Variants in RSF1 observed in about 807,000 individuals in gnomAD.
RSF1 encodes the protein HBV pX-associated protein 8.
Under a neutral mutation model 145.2 loss-of-function variants are expected in RSF1, and 13 were observed. The ratio of observed to expected loss-of-function variants is 0.09; its 90% CI spans 0.06 to 0.14. The LOEUF is 0.14. RSF1 is among the 10% of genes least tolerant of loss of function. The pLI, the probability that RSF1 is intolerant of heterozygous loss-of-function variation, is 1.00. For synonymous variants in RSF1, 577 were observed against 592.6 expected, an observed-to-expected ratio of 0.97 and a Z score of 0.38; for missense variants, 1,517 against 1,718.2, an observed-to-expected ratio of 0.88 and a Z score of 2.07.
At chr11:77,820,456 G>A (rs1948855263) in intron 1 of RSF1, 72 bp downstream of exon 1, 1 of 1,452,598 alleles carries the variant, frequency 6.9e-7, no homozygotes, top group South Asian at 1.3e-5. Flanking sequence ...AAGAACCGGG[G>A]CGCCTGTGAA....
chr11:77,706,240 CAAAA>C (rs1286243034), intron 5 of RSF1, among the ~76,000 whole-genome samples: 1 of 61,048 alleles, frequency 1.6e-5, no homozygotes, highest in Non-Finnish European at 3.4e-5. Context: ...ACTCTGTCTC[CAAAA>C]AAAAAAAAAA....
intron 1 of RSF1, among the ~76,000 whole-genome samples, chr11:77,775,832 G>A (rs1170763646): frequency 6.6e-6 from 1 of 152,140 alleles, no homozygotes; most frequent in East Asian, 1.9e-4. Flanking sequence ...GCAGTGGCAC[G>A]ATCGGGGCTC....
At chr11:77,818,969 A>G (rs1303111818) in intron 1 of RSF1, among the ~76,000 whole-genome samples, 2 of 152,164 alleles carry the variant, frequency 1.3e-5, no homozygotes, top group African/African-American at 4.8e-5. Flanking sequence ...AGGTAGAGGG[A>G]ATGTGGACAG....
intron 2 of RSF1, chr11:77,763,708 G>C (rs1298206120): frequency 6.6e-6 from 1 of 152,158 alleles, no homozygotes; most frequent in Non-Finnish European, 1.5e-5. Context: ...AAGGACTCAA[G>C]GAGACAGTAC....
chr11:77,865,158 C>T, the RSF1 span, among the ~76,000 whole-genome samples: 2 of 152,308 alleles, frequency 1.3e-5, no homozygotes, highest in South Asian at 2.1e-4. Flanking sequence ...TTCTACTGCA[C>T]ATGATTTGCC....
intron 5 of RSF1, among the ~76,000 whole-genome samples, chr11:77,724,095 C>A (rs1960996747): frequency 1.3e-5 from 2 of 152,018 alleles, no homozygotes; most frequent in Non-Finnish European, 2.9e-5. Context: ...GGACAAAAAA[C>A]TTGAATAAAC....
At chr11:77,739,298 T>C (rs1375609229) in intron 4 of RSF1, 1 of 152,640 alleles carries the variant, frequency 6.6e-6, no homozygotes, top group Non-Finnish European at 1.5e-5. Flanking sequence ...TTCACTGTCA[T>C]ATTTTCTTCA....
the RSF1 span, among the ~76,000 whole-genome samples, chr11:77,859,503 G>A: frequency 5.3e-5 from 8 of 152,150 alleles, no homozygotes; most frequent in Admixed American, 5.2e-4. Context: ...AGCATACTTA[G>A]AGTCTGTATA....
At chr11:77,727,423 C>T (rs185418368) in intron 4 of RSF1, among the ~76,000 whole-genome samples, 158 of 150,716 alleles carry the variant, frequency 1.0e-3, no homozygotes, top group Non-Finnish European at 1.9e-3. Flanking sequence ...AGCTTCAAAA[C>T]GTAAGAGAGC....
chr11:77,794,557 A>G (rs1473287444), intron 1 of RSF1, among the ~76,000 whole-genome samples: 1 of 152,150 alleles, frequency 6.6e-6, no homozygotes, highest in Non-Finnish European at 1.5e-5. Context: ...AAAAAAACAT[A>G]CAAACACATG....
chr11:77,697,261 A>C (rs1960298467), intron 7 of RSF1, among the ~76,000 whole-genome samples: 1 of 151,828 alleles, frequency 6.6e-6, no homozygotes, highest in Non-Finnish European at 1.5e-5. Flanking sequence ...GAGGATCTCA[A>C]ATGTTTCTGG....
chr11:77,859,406 G>A, the RSF1 span, among the ~76,000 whole-genome samples: 1 of 152,138 alleles, frequency 6.6e-6, no homozygotes, highest in Non-Finnish European at 1.5e-5. Flanking sequence ...ATTTCCTAAT[G>A]GCTTCCTGAT....
In RSF1 at chr11:77,710,272, T is replaced by A. The variant is rs572986757; in HGVS notation, c.734-7777A>T. On this transcript the variant is annotated intron_variant, in intron 5 of 15. Coordinates refer to ENST00000308488, the MANE Select transcript of RSF1 (RefSeq NM_016578.4). ...CAAGCTAGTTAACATATGTATTACC[T>A]CACAATATAATTTTTTTTTTGTAGT... Among the ~76,000 whole-genome samples, 27 of 152,300 alleles carry A rather than the reference T, an allele frequency of 1.8e-4. No homozygotes were observed. In the South Asian group the frequency reaches 4.1e-3, roughly 23 times the overall value.
At chr11:77,847,833 G>A in the RSF1 span, among the ~76,000 whole-genome samples, 1 of 152,158 alleles carries the variant, frequency 6.6e-6, no homozygotes, top group African/African-American at 2.4e-5. Context: ...ATAAGAAATT[G>A]ACTTGTCCGT....
chr11:77,717,585 G>A (rs1246586872), intron 5 of RSF1: 1 of 152,126 alleles, frequency 6.6e-6, no homozygotes, highest in Non-Finnish European at 1.5e-5. Flanking sequence ...ATCCCGACAG[G>A]GACTAAAGAT....
intron 1 of RSF1, among the ~76,000 whole-genome samples, chr11:77,810,356 G>A (rs775142231): frequency 6.6e-6 from 1 of 152,108 alleles, no homozygotes; most frequent in Non-Finnish European, 1.5e-5. Flanking sequence ...GGCTACTCTT[G>A]AATGAAAGAA....
At chr11:77,740,604 G>T in intron 4 of RSF1, 127 bp downstream of exon 4, 1 of 735,042 alleles carries the variant, frequency 1.4e-6, no homozygotes, top group Non-Finnish European at 2.3e-6. Flanking sequence ...ACTAGGTGAG[G>T]CCTTGACAAC....
At chr11:77,840,145 T>G in the RSF1 span, among the ~76,000 whole-genome samples, 2 of 152,048 alleles carry the variant, frequency 1.3e-5, no homozygotes, top group African/African-American at 2.4e-5. Context: ...GAATGATTAA[T>G]GCACAATATA....
At chr11:77,719,704 A>C (rs1232071422) in intron 5 of RSF1, among the ~76,000 whole-genome samples, 1 of 152,254 alleles carries the variant, frequency 6.6e-6, no homozygotes, top group Non-Finnish European at 1.5e-5. Flanking sequence ...AATGTCCATC[A>C]AGTGAACAGA....
Sources: allele counts gnomAD v4.1 joint callset (sites outside exome capture counted in the v4.1 genomes callset), GRCh38; gene constraint gnomAD v4.1.1; transcripts MANE v1.5; gene names NCBI Gene and HGNC (gene_info 2026-07-23, HGNC 2026-07-21).